Variants in TASP1 observed in about 807,000 individuals in gnomAD.
The protein encoded by TASP1 is taspase 1.
A neutral mutation model predicts 56.6 loss-of-function variants in TASP1; 16 were observed. The ratio of observed to expected loss-of-function variants is 0.28; its 90% CI spans 0.19 to 0.43. The LOEUF (loss-of-function observed/expected upper bound fraction) is 0.43, where lower values mean the gene tolerates loss of function less well. Ranked by LOEUF, TASP1 falls within the 20% of genes least tolerant of loss-of-function variation. The pLI, the probability that TASP1 is intolerant of heterozygous loss-of-function variation, is 1.00. For synonymous variants in TASP1, 179 were observed against 184.2 expected, an observed-to-expected ratio of 0.97 and a Z score of 0.23; for missense variants, 393 against 511.6, an observed-to-expected ratio of 0.77 and a Z score of 2.24.
chr20:13,498,187 C>A (rs115516871), intron 10 of TASP1, among the ~76,000 whole-genome samples: 323 of 152,202 alleles, frequency 2.1e-3, no homozygotes, highest in African/African-American at 7.2e-3. Flanking sequence ...ACAATCCACA[C>A]AATGGGAGAA....
At chr20:13,267,609 G>A in the TASP1 span, among the ~76,000 whole-genome samples, 1 of 152,332 alleles carries the variant, frequency 6.6e-6, no homozygotes, top group East Asian at 1.9e-4. Context: ...GGCTAAGCCA[G>A]AAGCACTCTG....
At chr20:13,483,167 G>A (rs2043200271) in intron 11 of TASP1, 60 bp downstream of exon 11, 1 of 1,267,824 alleles carries the variant, frequency 7.9e-7, no homozygotes, top group Admixed American at 2.2e-5. Flanking sequence ...GACTCATAGT[G>A]CTTATAGAAG....
chr20:13,199,627 A>G, the TASP1 span, among the ~76,000 whole-genome samples: 1 of 152,178 alleles, frequency 6.6e-6, no homozygotes, highest in African/African-American at 2.4e-5. Context: ...AACATGACCA[A>G]TGCCCTGTAT....
chr20:13,286,589 G>C, the TASP1 span, among the ~76,000 whole-genome samples: 1 of 152,120 alleles, frequency 6.6e-6, no homozygotes, highest in African/African-American at 2.4e-5. Flanking sequence ...GGCCTCGGGG[G>C]GCAGATAAGA....
chr20:13,538,748 T>C (rs918350694), intron 8 of TASP1, among the ~76,000 whole-genome samples: 1 of 152,028 alleles, frequency 6.6e-6, no homozygotes. Context: ...GTAAACAAAG[T>C]ATAATCTAGC....
At chr20:13,496,967 T>C (rs1207297328) in intron 10 of TASP1, among the ~76,000 whole-genome samples, 1 of 152,222 alleles carries the variant, frequency 6.6e-6, no homozygotes, top group East Asian at 1.9e-4. Flanking sequence ...ATAAATGCTG[T>C]AGATGAGGAC....
chr20:13,304,998 C>T, the TASP1 span, among the ~76,000 whole-genome samples: 25 of 152,054 alleles, frequency 1.6e-4, no homozygotes, highest in African/African-American at 5.8e-4. Context: ...CGCTTAAATA[C>T]TTATTAAGTG....
intron 11 of TASP1, among the ~76,000 whole-genome samples, chr20:13,471,873 C>A (rs541804178): frequency 6.6e-6 from 1 of 152,130 alleles, no homozygotes; most frequent in Non-Finnish European, 1.5e-5. Flanking sequence ...TGCGGCATCG[C>A]CTCATCCAGG....
chr20:13,628,575 C>A (rs1405101473), intron 2 of TASP1, among the ~76,000 whole-genome samples: 2 of 152,174 alleles, frequency 1.3e-5, no homozygotes, highest in African/African-American at 4.8e-5. Context: ...TAAGGCTTCT[C>A]GGGTTGTCCA....
intron 10 of TASP1, among the ~76,000 whole-genome samples, chr20:13,505,077 T>C (rs2044079867): frequency 6.6e-6 from 1 of 151,834 alleles, no homozygotes; most frequent in Admixed American, 6.6e-5. Context: ...AATGAAGGGA[T>C]GAAAAAAAGA....
At chr20:13,147,956 C>G in the TASP1 span, among the ~76,000 whole-genome samples, 1 of 152,202 alleles carries the variant, frequency 6.6e-6, no homozygotes, top group Non-Finnish European at 1.5e-5. Context: ...TAGACCATGA[C>G]AATGGTATTG....
chr20:13,591,919 A>T (rs2047546389), intron 4 of TASP1, among the ~76,000 whole-genome samples: 1 of 152,178 alleles, frequency 6.6e-6, no homozygotes, highest in Non-Finnish European at 1.5e-5. Context: ...TGTATTTTGC[A>T]AATGGTAGGG....
intron 13 of TASP1, among the ~76,000 whole-genome samples, chr20:13,403,144 AT>A (rs1252645278): frequency 4.0e-5 from 6 of 151,410 alleles, no homozygotes; most frequent in South Asian, 2.1e-4. Flanking sequence ...GCTTCCAACA[AT>A]TTTTTTTTCC....
chr20:13,476,001 C>T lies in TASP1; in HGVS notation c.985+7226G>A, dbSNP rs190973479. The stretch of plus-strand genomic sequence containing the variant: ...GGGCAAGGTGGCAGACACTTGTAAT[C>T]CCAGCTACTTGGGAGGCTGAGGGAG... On this transcript the variant is annotated intron_variant, in intron 11 of 13. Transcript: ENST00000337743. 4.2e-3 allele frequency among the ~76,000 whole-genome samples: 645 copies of T among 152,198 alleles called. 3 individuals carry two copies. Among genetic ancestry groups the T allele is most frequent in the Non-Finnish European group, 4.3e-3 (290 of 68,008 alleles).
chr20:13,229,796 C>T, the TASP1 span, among the ~76,000 whole-genome samples: 1 of 152,136 alleles, frequency 6.6e-6, no homozygotes, highest in Admixed American at 6.5e-5. Flanking sequence ...GCTTCACTTT[C>T]AATTGGTTGC....
chr20:13,156,490 G>C, the TASP1 span, among the ~76,000 whole-genome samples: 1 of 152,074 alleles, frequency 6.6e-6, no homozygotes, highest in Non-Finnish European at 1.5e-5. Flanking sequence ...TCCTAGCTGG[G>C]GATTCTTGGA....
the TASP1 span, among the ~76,000 whole-genome samples, chr20:13,112,248 CA>C: frequency 6.6e-6 from 1 of 152,200 alleles, no homozygotes; most frequent in Non-Finnish European, 1.5e-5. Context: ...CTGGAACATC[CA>C]AAATTACCCC....
chr20:13,469,503 T>C (rs1468609942), intron 11 of TASP1, among the ~76,000 whole-genome samples: 1 of 152,198 alleles, frequency 6.6e-6, no homozygotes, highest in Non-Finnish European at 1.5e-5. Flanking sequence ...TGATCAATAC[T>C]GTTAGTAATT....
At chr20:13,429,640 CTGTG>C (rs1568788377) in intron 12 of TASP1, among the ~76,000 whole-genome samples, 1 of 143,980 alleles carries the variant, frequency 6.9e-6, no homozygotes, top group Non-Finnish European at 1.5e-5. Context: ...GTGTGTCTGT[CTGTG>C]TGTGTGCCTG....
Sources: allele counts gnomAD v4.1 joint callset (sites outside exome capture counted in the v4.1 genomes callset), GRCh38; gene constraint gnomAD v4.1.1; transcripts MANE v1.5; gene names NCBI Gene and HGNC (gene_info 2026-07-23, HGNC 2026-07-21).